ITPRID1: variants seen among roughly 807,000 people sequenced by gnomAD.
ITPRID1 encodes protein ITPRID1.
ITPRID1 carries 96 observed loss-of-function variants against 95.4 expected under a neutral mutation model. That is an observed-to-expected ratio of 1.01 (90% CI 0.85 to 1.19). The LOEUF is 1.19. Ranked by LOEUF, ITPRID1 falls within the 50% of genes most tolerant of loss-of-function variation. The pLI is 0.00. For missense variants in ITPRID1, 1,339 were observed against 1,252.9 expected (o/e 1.07, Z -1.04); for synonymous variants, 510 against 453.6 (o/e 1.12, Z -1.58).
rs144022203 is a variant in ITPRID1 at position 31,642,956 on chromosome 7, C to T, written c.1586C>T (p.Thr529Met). ...IPDMACAKTT[T>M]RGECPRKDSH... ...GACATGGCCTGTGCCAAGACCACCA[C>T]GAGGGGAGAATGCCCAAGGAAAGAC... Residue 529 changes from threonine (T) to methionine (M), a missense_variant, in exon 12 of 15, where the codon ACG becomes ATG. Thr to Met is a moderately conservative substitution (Grantham distance 81). Transcript: ENST00000615280. The T allele has an allele frequency of 4.3e-5, 69 of 1,614,040 alleles. No homozygotes were observed. The highest frequency in any genetic ancestry group is 2.8e-4 in the Admixed American group (17 of 60,030).
chr7:31,647,336 G>A (rs1217228013), intron 12 of ITPRID1, among the ~76,000 whole-genome samples: 2 of 152,140 alleles, frequency 1.3e-5, no homozygotes, highest in African/African-American at 4.8e-5. Context: ...TGGACCAAGT[G>A]AAGATTATAA....
chr7:31,566,164 T>C (rs1254062522), intron 5 of ITPRID1, among the ~76,000 whole-genome samples: 1 of 152,184 alleles, frequency 6.6e-6, no homozygotes, highest in Admixed American at 6.5e-5. Flanking sequence ...GGGCTCCAGA[T>C]TCTGGATGAC....
rs532126672 is a variant in ITPRID1, at chr7:31,594,688, C to A, written c.1228+11497C>A. On this transcript the variant is annotated intron_variant, in intron 10 of 14. Coordinates refer to ENST00000615280, the MANE Select transcript of ITPRID1 (RefSeq NM_001257967.3). ...CCTGGCCAACATGGTGAAACCCCATCTCTACTAAAAATACAAAAATTAGCT... is the reference window on the plus strand; with the variant it reads ...CCTGGCCAACATGGTGAAACCCCATATCTACTAAAAATACAAAAATTAGCT... Among the ~76,000 whole-genome samples the A allele has an allele frequency of 5.3e-5, 8 of 152,120 alleles. No homozygotes were observed. The East Asian group carries it at 1.6e-3, about 30-fold the overall frequency.
rs143759565 is a variant in ITPRID1 at position 31,600,643 on chromosome 7, C to T, written c.1228+17452C>T. On this transcript the variant is annotated intron_variant, in intron 10 of 14. Transcript: ENST00000615280. Reference sequence around the variant, plus strand: ...CCCATGATTCTTCCCTTGGGGTGAGCTGCCTGCATGCGCAGAGCCTTCCTT... The same window carrying T: ...CCCATGATTCTTCCCTTGGGGTGAGTTGCCTGCATGCGCAGAGCCTTCCTT... 4.4e-3 allele frequency among the ~76,000 whole-genome samples: 667 copies of T among 152,330 alleles called. 5 individuals are homozygous for T. The highest frequency in any genetic ancestry group is 0.015 in the African/African-American group (616 of 41,570).
intron 1 of ITPRID1, among the ~76,000 whole-genome samples, chr7:31,543,979 T>C (rs1784014363): frequency 6.6e-6 from 1 of 152,010 alleles, no homozygotes; most frequent in Admixed American, 6.6e-5. Context: ...CCAACTTTTC[T>C]AGCATCACTT....
chr7:31,643,406 C>T lies in ITPRID1; in HGVS notation c.2036C>T (p.Ser679Leu), dbSNP rs774269950. ...CCTGGAGATCCTGCCCAGGTGAAGTCAAGGTCTGGTACTTTGGGTCAGATA... is the reference window on the plus strand; with the variant it reads ...CCTGGAGATCCTGCCCAGGTGAAGTTAAGGTCTGGTACTTTGGGTCAGATA... The part of the protein sequence containing the change: ...KLPGDPAQVK[S>L]RSGTLGQILP... Residue 679 changes from serine to leucine, a missense_variant, in exon 12 of 15, where the codon TCA (serine) becomes TTA (leucine). Ser to Leu is a moderately radical substitution (Grantham distance 145, BLOSUM62 -2). Transcript: ENST00000615280. 6 of 1,613,992 alleles carry T rather than the reference C, an allele frequency of 3.7e-6. No individual in the cohort carries two copies. The highest frequency in any genetic ancestry group is 4.2e-6 in the Non-Finnish European group (5 of 1,179,886).
intron 13 of ITPRID1, among the ~76,000 whole-genome samples, chr7:31,651,517 T>C (rs1317110219): frequency 6.6e-6 from 1 of 152,148 alleles, no homozygotes; most frequent in African/African-American, 2.4e-5. Context: ...CAGCAGGATG[T>C]CTTTAATCAA....
chr7:31,637,407 T>C (rs1297959805), intron 10 of ITPRID1, among the ~76,000 whole-genome samples: 2 of 152,168 alleles, frequency 1.3e-5, no homozygotes, highest in Non-Finnish European at 2.9e-5. Context: ...TGTTGTTTCC[T>C]GACTTTTTAA....
intron 1 of ITPRID1, among the ~76,000 whole-genome samples, chr7:31,516,516 T>C (rs217151): frequency 0.012 from 1,882 of 152,318 alleles, 33 homozygotes; most frequent in African/African-American, 0.042. Context: ...ACAATGTGGC[T>C]GAGTTAGAGA....
At chr7:31,631,054 T>A (rs1788946942) in intron 10 of ITPRID1, among the ~76,000 whole-genome samples, 1 of 152,190 alleles carries the variant, frequency 6.6e-6, no homozygotes, top group South Asian at 2.1e-4. Flanking sequence ...TCAATAACTA[T>A]TGAAGAAATT....
intron 10 of ITPRID1, among the ~76,000 whole-genome samples, chr7:31,616,202 T>TAA (rs1290298753): frequency 4.0e-4 from 28 of 70,520 alleles, no homozygotes; most frequent in Non-Finnish European, 7.6e-4. Flanking sequence ...ATTAATAACA[T>TAA]CTTAAATTGA....
chr7:31,544,379 T>C (rs1429125207), intron 1 of ITPRID1, among the ~76,000 whole-genome samples: 1 of 152,146 alleles, frequency 6.6e-6, no homozygotes, highest in East Asian at 1.9e-4. Context: ...GTTAAACTAA[T>C]ATTAAAGAAC....
chr7:31,630,081 G>A (rs931348444), intron 10 of ITPRID1, among the ~76,000 whole-genome samples: 5 of 151,958 alleles, frequency 3.3e-5, no homozygotes, highest in African/African-American at 1.2e-4. Flanking sequence ...AACAAATACT[G>A]ATTAATTGGG....
chr7:31,655,339 C>T lies in ITPRID1; in HGVS notation c.*2510C>T, dbSNP rs1008663549. On this transcript the variant is annotated 3_prime_UTR_variant, in exon 15 of 15. Coordinates refer to ENST00000615280, the MANE Select transcript of ITPRID1 (RefSeq NM_001257967.3). ...GACCACACCAATGCTGAGTCTACTG[C>T]CACAAAATACCTCCCAGAAGTTTCC... Among the ~76,000 whole-genome samples the T allele has an allele frequency of 6.6e-6, 1 of 152,156 alleles. No homozygotes were observed. The highest frequency in any genetic ancestry group is 2.4e-5 in the African/African-American group (1 of 41,436).
rs1425870583 is a variant in ITPRID1 at position 31,649,377 on chromosome 7, G to A, written c.2584-1765G>A. Among the ~76,000 whole-genome samples the A allele has an allele frequency of 2.0e-5, 3 of 152,168 alleles. No individual in the cohort carries two copies. The East Asian group carries it at 5.8e-4, about 29-fold the overall frequency. On this transcript the variant is annotated intron_variant, in intron 12 of 14. Transcript: ENST00000615280. ...AAGTTGGTCTCCATGGAAGGAGGAA[G>A]AAGAGAAGCTTCAAAACAGCCAGCC... is the stretch of plus-strand genomic sequence containing the variant.
intron 10 of ITPRID1, among the ~76,000 whole-genome samples, chr7:31,590,036 A>G (rs1785794777): frequency 6.6e-6 from 1 of 152,132 alleles, no homozygotes; most frequent in South Asian, 2.1e-4. Context: ...AAAAATTTAT[A>G]TACATATATA....
chr7:31,515,294 A>G (rs555612958), intron 1 of ITPRID1, among the ~76,000 whole-genome samples: 1 of 152,068 alleles, frequency 6.6e-6, no homozygotes, highest in Non-Finnish European at 1.5e-5. Flanking sequence ...TAAAAAAAAA[A>G]AAAGAAAAAA....
chr7:31,576,001 T>C (rs1160589849), intron 8 of ITPRID1, among the ~76,000 whole-genome samples: 1 of 152,206 alleles, frequency 6.6e-6, no homozygotes, highest in Non-Finnish European at 1.5e-5. Flanking sequence ...AGCACAGAGA[T>C]GCAAATTCTT....
At position 31,642,747 on chromosome 7, in the gene ITPRID1, C is replaced by T; in HGVS notation, c.1377C>T (p.Ser459=). The change falls in exon 12 of 15, where the codon AGC becomes AGT. Residue 459 remains serine, a synonymous_variant. Coordinates refer to ENST00000615280, the MANE Select transcript of ITPRID1 (RefSeq NM_001257967.3). ...GAGGTAGAAAGCCAAGAGATCAGAG[C>T]CACAGCTTAGTATCATCCCAGGACT... The part of the protein sequence containing the change: ...ENGGRKPRDQ[S]HSLVSSQDCQ... 6.2e-7 allele frequency: 1 copy of T among 1,614,016 alleles called. No individual in the cohort carries two copies. The highest frequency in any genetic ancestry group is 1.3e-5 in the African/African-American group (1 of 75,056).
Sources: gnomAD v4.1 joint callset for allele counts (sites outside exome capture counted in the v4.1 genomes callset) on GRCh38, gnomAD v4.1.1 for gene constraint, MANE v1.5 for transcripts, NCBI Gene and HGNC (gene_info 2026-07-23, HGNC 2026-07-21) for gene names.